PTPRD: variants seen among roughly 807,000 people sequenced by gnomAD.
PTPRD encodes protein tyrosine phosphatase receptor type D, also known as receptor-type tyrosine-protein phosphatase delta.
PTPRD carries 34 observed loss-of-function variants against 214.5 expected under a neutral mutation model. That is an observed-to-expected ratio of 0.16 (90% CI 0.12 to 0.21). PTPRD has a LOEUF of 0.21. Among genes scored for constraint, PTPRD ranks in the 10% least tolerant of loss-of-function variants. The pLI is 1.00. For missense variants in PTPRD, 2,545 were observed against 2,398.7 expected, an observed-to-expected ratio of 1.06 and a Z score of -1.27; for synonymous variants, 1,128 against 845.7, an observed-to-expected ratio of 1.33 and a Z score of -5.79.
At chr9:9,453,020 A>ATTTT (rs34378799) in intron 8 of PTPRD, among the ~76,000 whole-genome samples, 2 of 144,986 alleles carry the variant, frequency 1.4e-5, no homozygotes, top group East Asian at 4.0e-4. Context: ...AGCCTATTTT[A>ATTTT]TTTTTTTTTT....
intron 3 of PTPRD, among the ~76,000 whole-genome samples, chr9:10,231,676 A>C (rs916878482): frequency 6.6e-6 from 1 of 151,946 alleles, no homozygotes; most frequent in Non-Finnish European, 1.5e-5. Flanking sequence ...TGCTTGTTGA[A>C]TGAGTGATTT....
chr9:9,655,804 C>T (rs1203074497), intron 7 of PTPRD, among the ~76,000 whole-genome samples: 1 of 151,458 alleles, frequency 6.6e-6, no homozygotes, highest in East Asian at 2.0e-4. Context: ...ATGGTGAAAC[C>T]CCATGTCTAC....
intron 21 of PTPRD, 83 bp from the exon 22 acceptor site, chr9:8,507,517 C>A: frequency 1.3e-6 from 2 of 1,548,026 alleles, no homozygotes; most frequent in Admixed American, 3.4e-5. Flanking sequence ...CCTGCTTAAA[C>A]CTTTCGAAAT....
intron 5 of PTPRD, among the ~76,000 whole-genome samples, chr9:9,841,439 A>T (rs973420505): frequency 6.6e-6 from 1 of 152,130 alleles, no homozygotes; most frequent in Non-Finnish European, 1.5e-5. Context: ...GATTTGGGAT[A>T]AGTAGTACAT....
chr9:9,669,573 T>C (rs571863949), intron 7 of PTPRD, among the ~76,000 whole-genome samples: 1 of 152,160 alleles, frequency 6.6e-6, no homozygotes, highest in African/African-American at 2.4e-5. Context: ...AAAAATGATG[T>C]TTTTAAACTT....
intron 8 of PTPRD, among the ~76,000 whole-genome samples, chr9:9,398,374 C>T (rs1283496366): frequency 6.6e-6 from 1 of 152,000 alleles, no homozygotes. Context: ...TTGTTCCCTA[C>T]CCAGAAGACT....
intron 5 of PTPRD, among the ~76,000 whole-genome samples, chr9:9,871,659 C>T (rs1012473513): frequency 1.3e-5 from 2 of 151,574 alleles, no homozygotes; most frequent in African/African-American, 2.4e-5. Context: ...CTAAGATTAC[C>T]TTCTGGAAAG....
At chr9:9,149,910 G>C (rs2099875214) in intron 10 of PTPRD, among the ~76,000 whole-genome samples, 1 of 152,134 alleles carries the variant, frequency 6.6e-6, no homozygotes, top group Non-Finnish European at 1.5e-5. Flanking sequence ...TTAAGTACCT[G>C]AGGACTTAGA....
chr9:10,597,709 C>G (rs915639612), intron 2 of PTPRD, among the ~76,000 whole-genome samples: 2 of 151,686 alleles, frequency 1.3e-5, no homozygotes, highest in Non-Finnish European at 2.9e-5. Flanking sequence ...TTAGGAATAT[C>G]GGCTGTAATT....
intron 11 of PTPRD, among the ~76,000 whole-genome samples, chr9:8,997,118 C>T (rs970040691): frequency 6.6e-6 from 1 of 152,056 alleles, no homozygotes; most frequent in Non-Finnish European, 1.5e-5. Flanking sequence ...GCATAATATT[C>T]TATCATTTGG....
intron 11 of PTPRD, among the ~76,000 whole-genome samples, chr9:8,761,270 G>A (rs896962828): frequency 6.6e-6 from 1 of 152,112 alleles, no homozygotes; most frequent in African/African-American, 2.4e-5. Context: ...GTTTTAACAT[G>A]GTAGCTATAA....
intron 11 of PTPRD, among the ~76,000 whole-genome samples, chr9:8,815,303 A>G (rs1376058503): frequency 6.6e-6 from 1 of 152,154 alleles, no homozygotes; most frequent in Non-Finnish European, 1.5e-5. Context: ...ATCACAGGGA[A>G]TGGTAGGCTA....
intron 8 of PTPRD, among the ~76,000 whole-genome samples, chr9:9,558,980 A>G (rs772568556): frequency 1.1e-4 from 17 of 152,134 alleles, no homozygotes; most frequent in Admixed American, 7.9e-4. Flanking sequence ...GTGTACTTCA[A>G]TGCTCTAAGT....
intron 11 of PTPRD, among the ~76,000 whole-genome samples, chr9:8,838,695 A>G (rs1041007588): frequency 3.7e-4 from 57 of 152,206 alleles, no homozygotes; most frequent in African/African-American, 1.3e-3. Flanking sequence ...TCTTCTGGCA[A>G]AAGAGTAGGT....
intron 11 of PTPRD, among the ~76,000 whole-genome samples, chr9:9,008,375 C>A (rs1319336086): frequency 6.6e-6 from 1 of 151,676 alleles, no homozygotes; most frequent in Admixed American, 6.6e-5. Context: ...CTACAGGCTC[C>A]CGCCACCACA....
chr9:8,849,031 T>C (rs1381953446), intron 11 of PTPRD, among the ~76,000 whole-genome samples: 1 of 152,176 alleles, frequency 6.6e-6, no homozygotes, highest in Non-Finnish European at 1.5e-5. Context: ...AGCTGTAAAT[T>C]TGAGAAAATT....
intron 5 of PTPRD, among the ~76,000 whole-genome samples, chr9:9,874,009 G>A (rs1318615216): frequency 6.6e-6 from 1 of 152,086 alleles, no homozygotes; most frequent in African/African-American, 2.4e-5. Context: ...TCTTAAAGCA[G>A]ATTTTAGGAT....
chr9:9,030,206 G>A (rs1454023432), intron 10 of PTPRD, among the ~76,000 whole-genome samples: 1 of 140,668 alleles, frequency 7.1e-6, no homozygotes. Context: ...CCTCAACCAT[G>A]AAATCTCAGA....
At chr9:10,110,446 A>G (rs959813381) in intron 3 of PTPRD, among the ~76,000 whole-genome samples, 2 of 152,202 alleles carry the variant, frequency 1.3e-5, no homozygotes, top group African/African-American at 2.4e-5. Context: ...TGAGCTCTCC[A>G]TTATAGCCCA....
Sources: gnomAD v4.1 joint callset for allele counts (sites outside exome capture counted in the v4.1 genomes callset) on GRCh38, gnomAD v4.1.1 for gene constraint, MANE v1.5 for transcripts, NCBI Gene and HGNC (gene_info 2026-07-23, HGNC 2026-07-21) for gene names.